CAST: variants seen among roughly 807,000 people sequenced by gnomAD.
CAST encodes calpastatin, also known as MIR583 host.
Under a neutral mutation model 119.6 loss-of-function variants are expected in CAST, and 76 were observed. The observed-to-expected ratio is 0.64, with a 90% confidence interval of 0.53 to 0.77. The LOEUF is 0.77. Among genes scored for constraint, CAST ranks in the 30% least tolerant of loss-of-function variants. The probability of loss-of-function intolerance (pLI) is 0.00; values close to 1 mark genes in which losing one functional copy is unlikely to be tolerated. For missense variants in CAST, 953 were observed against 946.5 expected (o/e 1.01, Z -0.09); for synonymous variants, 319 against 331.6 (o/e 0.96, Z 0.41).
At chr5:96,248,787 G>A in the CAST span, among the ~76,000 whole-genome samples, 2 of 152,296 alleles carry the variant, frequency 1.3e-5, no homozygotes, top group East Asian at 1.9e-4. Context: ...TAAGAGAAAA[G>A]TTTGGATCCT....
the CAST span, among the ~76,000 whole-genome samples, chr5:96,437,801 C>T: frequency 6.6e-6 from 1 of 152,186 alleles, no homozygotes; most frequent in East Asian, 1.9e-4. Context: ...ATACATGACA[C>T]TCCTCTGTGA....
chr5:96,649,344 A>C (rs1335891686), intron 1 of CAST, among the ~76,000 whole-genome samples: 2 of 152,162 alleles, frequency 1.3e-5, no homozygotes, highest in Non-Finnish European at 2.9e-5. Flanking sequence ...CTGACATTGC[A>C]GATGTTTTCT....
At chr5:96,277,992 A>G in the CAST span, among the ~76,000 whole-genome samples, 1 of 152,022 alleles carries the variant, frequency 6.6e-6, no homozygotes, top group African/African-American at 2.4e-5. Context: ...TTACAGCTGT[A>G]CCTTAACTGG....
chr5:96,184,310 G>A, the CAST span, among the ~76,000 whole-genome samples: 1 of 152,140 alleles, frequency 6.6e-6, no homozygotes, highest in African/African-American at 2.4e-5. Context: ...CACTTATTCA[G>A]TCTGGCACTA....
intron 3 of CAST, among the ~76,000 whole-genome samples, chr5:96,711,390 C>T (rs1487005300): frequency 6.6e-6 from 1 of 152,146 alleles, no homozygotes; most frequent in Non-Finnish European, 1.5e-5. Context: ...GGGCAGGATT[C>T]AGTCTAGCAG....
the CAST span, among the ~76,000 whole-genome samples, chr5:96,366,434 G>A: frequency 6.6e-6 from 1 of 152,136 alleles, no homozygotes; most frequent in Non-Finnish European, 1.5e-5. Context: ...TTCCAATTTG[G>A]TTCCATTCTC....
intron 1 of CAST, among the ~76,000 whole-genome samples, chr5:96,535,127 A>G (rs1580814100): frequency 6.6e-6 from 1 of 152,214 alleles, no homozygotes; most frequent in African/African-American, 2.4e-5. Context: ...AATTCAATAA[A>G]TACAGAAAGC....
the CAST span, chr5:96,408,114 G>T: frequency 4.0e-6 from 3 of 755,478 alleles, no homozygotes; most frequent in Non-Finnish European, 2.3e-6. Flanking sequence ...ATCTTTATTT[G>T]CAGTATTCCA....
the CAST span, among the ~76,000 whole-genome samples, chr5:96,393,698 G>A: frequency 1.7e-4 from 26 of 152,174 alleles, no homozygotes; most frequent in Non-Finnish European, 3.4e-4. Context: ...TTCTTTACTT[G>A]TCAGCCTGCT....
At chr5:96,021,518 T>C in the CAST span, among the ~76,000 whole-genome samples, 13 of 152,066 alleles carry the variant, frequency 8.5e-5, no homozygotes, top group Middle Eastern at 3.2e-3. Flanking sequence ...CGATCTCTGC[T>C]CACTGCAAGC....
At chr5:96,585,354 A>G (rs1746841231) in intron 1 of CAST, among the ~76,000 whole-genome samples, 1 of 152,112 alleles carries the variant, frequency 6.6e-6, no homozygotes, top group Non-Finnish European at 1.5e-5. Flanking sequence ...CTACCTGCCA[A>G]CAGAACAATT....
chr5:96,387,270 T>A, the CAST span, among the ~76,000 whole-genome samples: 1 of 152,186 alleles, frequency 6.6e-6, no homozygotes, highest in South Asian at 2.1e-4. Flanking sequence ...AGCAACTGAT[T>A]GAGAAAAGCT....
At chr5:96,570,366 G>A (rs763197075) in intron 1 of CAST, among the ~76,000 whole-genome samples, 14 of 152,182 alleles carry the variant, frequency 9.2e-5, no homozygotes, top group Non-Finnish European at 1.3e-4. Flanking sequence ...CCATGGCCTG[G>A]ATTACTGTTG....
chr5:95,970,507 T>A, the CAST span, among the ~76,000 whole-genome samples: 1 of 152,234 alleles, frequency 6.6e-6, no homozygotes. Context: ...TAAAGTTTGC[T>A]GAGTGTGCAC....
chr5:96,187,337 T>C, the CAST span, among the ~76,000 whole-genome samples: 2 of 152,190 alleles, frequency 1.3e-5, no homozygotes, highest in African/African-American at 4.8e-5. Context: ...TTCATGTCTC[T>C]GTCTCCTTCA....
At chr5:96,723,811 T>G (rs1332853278) in intron 4 of CAST, among the ~76,000 whole-genome samples, 1 of 152,252 alleles carries the variant, frequency 6.6e-6, no homozygotes, top group Non-Finnish European at 1.5e-5. Flanking sequence ...AACTCCATTA[T>G]TATTAAATTG....
chr5:96,030,581 C>G, the CAST span, among the ~76,000 whole-genome samples: 1 of 152,072 alleles, frequency 6.6e-6, no homozygotes, highest in African/African-American at 2.4e-5. Flanking sequence ...ATTTGCAGCC[C>G]CTTTAAAAAA....
At chr5:96,187,844 T>C in the CAST span, among the ~76,000 whole-genome samples, 1 of 152,252 alleles carries the variant, frequency 6.6e-6, no homozygotes. Context: ...CTTTCTTGAC[T>C]GACTGTGGTG....
the CAST span, among the ~76,000 whole-genome samples, chr5:96,018,801 A>T: frequency 6.6e-6 from 1 of 152,188 alleles, no homozygotes; most frequent in African/African-American, 2.4e-5. Flanking sequence ...ATCTCATATA[A>T]TTCTTTGTTA....
Sources: allele counts gnomAD v4.1 joint callset (sites outside exome capture counted in the v4.1 genomes callset), GRCh38; gene constraint gnomAD v4.1.1; transcripts MANE v1.5; gene names NCBI Gene and HGNC (gene_info 2026-07-23, HGNC 2026-07-21).